DPEP3: variants seen among roughly 807,000 people sequenced by gnomAD.
DPEP3 encodes the protein dipeptidase 3, also known as membrane-bound dipeptidase 3.
DPEP3 carries 42 observed loss-of-function variants against 47.5 expected under a neutral mutation model. The observed-to-expected ratio is 0.88, with a 90% CI of 0.69 to 1.14. The LOEUF is 1.14. DPEP3 is among the 50% of genes most tolerant of loss of function. The pLI, the probability that DPEP3 is intolerant of heterozygous loss-of-function variation, is 0.00. For missense variants in DPEP3, 560 were observed against 635.0 expected (o/e 0.88, Z 1.27); for synonymous variants, 276 against 270.2 (o/e 1.02, Z -0.21).
chr16:67,978,020 CA>C lies in DPEP3; in HGVS notation c.687-14del. 1 of 1,613,850 alleles carries C rather than the reference CA, an allele frequency of 6.2e-7. No individual in the cohort carries two copies. Among genetic ancestry groups the C allele is most frequent in the Non-Finnish European group, 8.5e-7 (1 of 1,179,802 alleles). On this transcript the variant is annotated splice_polypyrimidine_tract_variant and intron_variant, in intron 4 of 9. Coordinates refer to ENST00000268793, the MANE Select transcript of DPEP3 (RefSeq NM_001370198.1). The surrounding 1 kb of genome is among the most constrained non-coding windows in gnomAD (Gnocchi z 4.4). ...GGAACTCTCTGCCCTGCAGGACAGC[CA>C]TGGAAGGGCAATTTAGCTGATCACA...
chr16:67,976,643 G>C, intron 8 of DPEP3, 57 bp downstream of exon 8: 1 of 1,538,220 alleles, frequency 6.5e-7, no homozygotes, highest in Admixed American at 1.7e-5. Flanking sequence ...TGGGAATGAA[G>C]ACTAAAGGAC....
chr16:67,978,589 T>A lies in DPEP3; in HGVS notation c.452A>T (p.Gln151Leu). 1 of 1,613,926 alleles carries A rather than the reference T, an allele frequency of 6.2e-7. No individual in the cohort carries two copies. Residue 151 changes from glutamine (Q) to leucine (L), a missense_variant, in exon 3 of 10, where the codon CAG becomes CTG. Physicochemically the swap from Gln to Leu is moderately radical, Grantham distance 113. Coordinates refer to ENST00000268793, the MANE Select transcript of DPEP3 (RefSeq NM_001370198.1). The surrounding 1 kb of genome is among the most constrained non-coding windows in gnomAD (Gnocchi z 4.4). ...SASVSCQSQD[Q>L]TAVRLALEQI... ...CTCCAGGGCGAGGCGCACGGCAGTC[T>A]GGTCCTGGGACTGGCATGAGACGGA...
At chr16:67,979,276 A>G (rs2031270465) in intron 2 of DPEP3, among the ~76,000 whole-genome samples, 1 of 152,230 alleles carries the variant, frequency 6.6e-6, no homozygotes, top group African/African-American at 2.4e-5. Context: ...ACTGTACTCC[A>G]GCCTGGGCGA....
chr16:67,976,803 C>A (rs759493347), intron 7 of DPEP3, 28 bp from the exon 8 acceptor site: 1 of 1,605,288 alleles, frequency 6.2e-7, no homozygotes, highest in Admixed American at 1.7e-5. Context: ...GTGGGCAGCA[C>A]TAGGCTAGTT....
intron 2 of DPEP3, among the ~76,000 whole-genome samples, chr16:67,979,174 G>A (rs1441768599): frequency 6.6e-6 from 1 of 152,144 alleles, no homozygotes; most frequent in African/African-American, 2.4e-5. Flanking sequence ...GCGTGGTGGC[G>A]AGTGCCTGTA....
chr16:67,976,377 G>C, intron 8 of DPEP3, 149 bp from the exon 9 acceptor site: 1 of 1,121,592 alleles, frequency 8.9e-7, no homozygotes, highest in Non-Finnish European at 1.2e-6. Flanking sequence ...TGGAGGACTG[G>C]GCTTCTGTAG....
chr16:67,975,806 C>A lies in DPEP3; in HGVS notation c.1426G>T (p.Ala476Ser). ...ASPYLVPGLV[A>S]AATIPTFTQW... ...GTGAAGGTTGGGATGGTGGCAGCAG[C>A]CACAAGGCCTGGAACAAGGTATGGG... The change falls in exon 10 of 10, where the codon GCT (alanine) becomes TCT (serine). Residue 476 changes from alanine to serine, a missense_variant. Transcript: ENST00000268793. The A allele has an allele frequency of 6.2e-7, 1 of 1,613,840 alleles. No individual in the cohort carries two copies. Among genetic ancestry groups the A allele is most frequent in the East Asian group, 2.2e-5 (1 of 44,884 alleles).
At position 67,980,196 on chromosome 16, in the gene DPEP3, C is replaced by G; in HGVS notation, c.185G>C (p.Ser62Thr). Residue 62 changes from serine to threonine, a missense_variant, in exon 1 of 10, where the codon AGC becomes ACC. By Grantham distance (58) the Ser-to-Thr change is moderately conservative (BLOSUM62 1). Coordinates refer to ENST00000268793, the MANE Select transcript of DPEP3 (RefSeq NM_001370198.1). ...AGTGAGGCCTGGGGTAGTGAGGGCG[C>G]TGGGGACACCCGGCGTGGTGAAGAG... ...PSLFTTPGVP[S>T]ALTTPGLTTP... 1 of 1,610,744 alleles carries G rather than the reference C, an allele frequency of 6.2e-7. No homozygotes were observed. The highest frequency in any genetic ancestry group is 8.5e-7 in the Non-Finnish European group (1 of 1,178,496).
chr16:67,978,751 A>G lies in DPEP3; in HGVS notation c.415-125T>C. ...GTGGCCCCAAGTGAGGCACTACATG[A>G]CTCCATGGTACCTTGATGACTTTTT... is the stretch of plus-strand genomic sequence containing the variant. On this transcript the variant is annotated intron_variant, in intron 2 of 9. Transcript: ENST00000268793. This position sits in a 1 kb window ranked among gnomAD's most constrained non-coding sequence, Gnocchi z 4.4. 9.6e-7 allele frequency: 1 copy of G among 1,039,800 alleles called. No homozygotes were observed. The highest frequency in any genetic ancestry group is 1.4e-6 in the Non-Finnish European group (1 of 712,412). 64.4% of individuals were successfully genotyped at this position (1,039,800 alleles called of 1,614,324 possible).
At chr16:67,979,566 G>C in intron 2 of DPEP3, 73 bp downstream of exon 2, 2 of 1,591,574 alleles carry the variant, frequency 1.3e-6, no homozygotes, top group Non-Finnish European at 1.7e-6. Context: ...CCAGAGGCTG[G>C]CTGACCCAGG....
At position 67,978,173 on chromosome 16, in the gene DPEP3, C is replaced by A; in HGVS notation, c.686+94G>T. On this transcript the variant is annotated intron_variant, in intron 4 of 9. Coordinates refer to ENST00000268793, the MANE Select transcript of DPEP3 (RefSeq NM_001370198.1). This position sits in a 1 kb window ranked among gnomAD's most constrained non-coding sequence, Gnocchi z 4.4. ...GGGTGTCCAGCCTCCCTCTGCGGAC[C>A]CCTTCATCCTCAACGGCTTGGTCAC... The A allele has an allele frequency of 6.3e-7, 1 of 1,598,100 alleles. No homozygotes were observed. The highest frequency in any genetic ancestry group is 8.6e-7 in the Non-Finnish European group (1 of 1,168,924).
intron 2 of DPEP3, 101 bp downstream of exon 2, chr16:67,979,538 C>T (rs1042682085): frequency 1.0e-5 from 16 of 1,530,166 alleles, no homozygotes; most frequent in Middle Eastern, 2.4e-4. Flanking sequence ...CACTGCATGC[C>T]CCATTGTATT....
chr16:67,977,170 G>T (rs1305287124), intron 7 of DPEP3, 100 bp downstream of exon 7: 4 of 1,054,506 alleles, frequency 3.8e-6, no homozygotes, highest in Non-Finnish European at 4.3e-6. Context: ...TGGGAGGTCT[G>T]CCCATTGCCC....
At position 67,976,732 on chromosome 16, in the gene DPEP3, G is replaced by A. The variant is rs548674268; in HGVS notation, c.1062C>T (p.Ile354=). ...HIRAVIGSEF[I]GIGGNYDGTG... ...TCCCGTCATAATTTCCACCAATCCC[G>A]ATGAACTCAGATCCAATGACTGCCC... The change falls in exon 8 of 10, where the codon ATC becomes ATT. Residue 354 remains isoleucine, a synonymous_variant. Transcript: ENST00000268793. 1.2e-4 allele frequency: 195 copies of A among 1,614,096 alleles called. No homozygotes were observed. Among genetic ancestry groups the A allele is most frequent in the Middle Eastern group, 3.3e-4 (2 of 6,062 alleles).
chr16:67,976,907 T>A, intron 7 of DPEP3, 132 bp from the exon 8 acceptor site: 1 of 756,754 alleles, frequency 1.3e-6, no homozygotes, highest in Non-Finnish European at 2.2e-6. Context: ...CTGAAGCGGG[T>A]ACAGGCTGGT....
rs747498158 is a variant in DPEP3, at chr16:67,978,763, C to G, written c.415-137G>C. On this transcript the variant is annotated intron_variant, in intron 2 of 9. Coordinates refer to ENST00000268793, the MANE Select transcript of DPEP3 (RefSeq NM_001370198.1). The surrounding 1 kb of genome is among the most constrained non-coding windows in gnomAD (Gnocchi z 4.4). ...GAGGCACTACATGACTCCATGGTAC[C>G]TTGATGACTTTTTTTAAAATTATTT... is the stretch of plus-strand genomic sequence containing the variant. 9.4e-5 allele frequency: 89 copies of G among 944,782 alleles called. No individual in the cohort carries two copies. Among genetic ancestry groups the G allele is most frequent in the Non-Finnish European group, 1.3e-4 (83 of 639,460 alleles). 58.5% of individuals were successfully genotyped at this position (944,782 alleles called of 1,614,324 possible). A position where few individuals can be genotyped will look rare whatever the true frequency, so the allele number is the denominator to read the frequency against.
rs1186619816 is a variant in DPEP3 at position 67,980,317 on chromosome 16, G to A, written c.64C>T (p.Leu22Phe). ...CGCAGCAGCAGCAGCAGTAGCAGGA[G>A]CAGCAGACGCCGCAGATACCGCCGG... is the stretch of plus-strand genomic sequence containing the variant. ...LSRRYLRRLL[L>F]LLLLLLLRQP... The change falls in exon 1 of 10, where the codon CTC becomes TTC. Residue 22 changes from leucine (L) to phenylalanine (F), a missense_variant. Leu to Phe is a conservative substitution (Grantham distance 22). Coordinates refer to ENST00000268793, the MANE Select transcript of DPEP3 (RefSeq NM_001370198.1). 1.3e-6 allele frequency: 2 copies of A among 1,559,952 alleles called. No homozygotes were observed. The highest frequency in any genetic ancestry group is 1.7e-6 in the Non-Finnish European group (2 of 1,153,716).
chr16:67,976,838 C>CTGG, intron 7 of DPEP3, 63 bp from the exon 8 acceptor site: 1 of 1,419,298 alleles, frequency 7.0e-7, no homozygotes, highest in South Asian at 1.2e-5. Context: ...GCCCTGTCCC[C>CTGG]AGCACTCCAG....
At chr16:67,979,902 A>C in intron 1 of DPEP3, 137 bp from the exon 2 acceptor site, 1 of 1,434,372 alleles carries the variant, frequency 7.0e-7, no homozygotes, top group Non-Finnish European at 9.4e-7. Context: ...GTTGGGTTGG[A>C]GGGAGGGGGT....
Sources: gnomAD v4.1 joint callset for allele counts (sites outside exome capture counted in the v4.1 genomes callset) on GRCh38, gnomAD v4.1.1 for gene constraint, Gnocchi (gnomAD v3.1) non-coding constraint, MANE v1.5 for transcripts, NCBI Gene and HGNC (gene_info 2026-07-23, HGNC 2026-07-21) for gene names.